DPPA2: variants seen among roughly 807,000 people sequenced by gnomAD.
DPPA2 encodes the protein developmental pluripotency-associated protein 2.
DPPA2 carries 26 observed loss-of-function variants against 36.2 expected under a neutral mutation model. The ratio of observed to expected loss-of-function variants is 0.72; its 90% CI spans 0.53 to 1.00. DPPA2 has a LOEUF of 1.00. Ranked by LOEUF, DPPA2 falls within the 50% of genes least tolerant of loss-of-function variation. DPPA2 has a pLI of 0.00. For synonymous variants in DPPA2, 113 were observed against 123.2 expected (o/e 0.92, Z 0.55); for missense variants, 361 against 365.1 (o/e 0.99, Z 0.09).
rs181722243 is a variant in DPPA2 at position 109,298,148 on chromosome 3, G to A, written c.*22+2223C>T. On this transcript the variant is annotated intron_variant, in intron 8 of 8. Coordinates refer to ENST00000478945, the MANE Select transcript of DPPA2 (RefSeq NM_138815.4). The stretch of plus-strand genomic sequence containing the variant: ...TGGGCTTGCGGGGAGGGATGAATTG[G>A]TGCAACACAAGGGATTTCTAAGGTA... Among the ~76,000 whole-genome samples, 1,025 of 152,184 alleles carry A rather than the reference G, an allele frequency of 6.7e-3. 4 individuals carry two copies. The highest frequency in any genetic ancestry group is 0.012 in the Non-Finnish European group (822 of 68,004).
intron 6 of DPPA2, among the ~76,000 whole-genome samples, chr3:109,304,880 C>T (rs1041635451): frequency 2.6e-5 from 4 of 152,198 alleles, no homozygotes; most frequent in Non-Finnish European, 5.9e-5. Flanking sequence ...GGCGCGGTGG[C>T]TCACGCCTGT....
chr3:109,308,310 C>T lies in DPPA2; in HGVS notation c.397-17G>A, dbSNP rs7611135. ...AGGCATATCCTGCAAATGAAATTCA[C>T]GATGAGTATTCAGTAAACCGCTAGG... On this transcript the variant is annotated splice_polypyrimidine_tract_variant and intron_variant, in intron 5 of 8. Transcript: ENST00000478945. The T allele has an allele frequency of 0.74, 1,189,841 of 1,612,908 alleles. 441,071 individuals are homozygous for T. Among genetic ancestry groups the T allele is most frequent in the East Asian group, 0.92 (41,138 of 44,872 alleles).
chr3:109,295,611 TAC>T lies in DPPA2; in HGVS notation c.*23-1609_*23-1608del, dbSNP rs1707339835. The T allele has an allele frequency of 2.3e-5, 3 of 133,052 alleles. No homozygotes were observed. In the South Asian group the frequency reaches 8.5e-4, roughly 38 times the overall value. 8.2% of individuals were successfully genotyped at this position (133,052 alleles called of 1,614,324 possible). A position where few individuals can be genotyped will look rare whatever the true frequency, so the allele number is the denominator to read the frequency against. On this transcript the variant is annotated intron_variant, in intron 8 of 8. Transcript: ENST00000478945. ...ATATACTTATACGTATATATCTATA[TAC>T]ACAGATATAATATCTATATTTACAT... is the stretch of plus-strand genomic sequence containing the variant.
At position 109,308,191 on chromosome 3, in the gene DPPA2, C is replaced by T; in HGVS notation, c.499G>A (p.Glu167Lys). The change falls in exon 6 of 9, where the codon GAG becomes AAG. Residue 167 changes from glutamate to lysine, a missense_variant. Physicochemically the swap from Glu to Lys is moderately conservative, Grantham distance 56. Transcript: ENST00000478945. ...ACTGTATTGGTCTCTTCTGCTCTCT[C>T]ATTCATCTCATAACTTCTCTGAAGC... ...ARLQRSYEMN[E>K]RAEETNTVEV... The T allele has an allele frequency of 6.2e-7, 1 of 1,614,228 alleles. No homozygotes were observed. The highest frequency in any genetic ancestry group is 8.5e-7 in the Non-Finnish European group (1 of 1,180,030).
chr3:109,294,709 C>T (rs558520552), intron 8 of DPPA2, among the ~76,000 whole-genome samples: 2 of 152,316 alleles, frequency 1.3e-5, no homozygotes, highest in South Asian at 4.1e-4. Flanking sequence ...AATTAGCCTT[C>T]ATTCAGAAGG....
chr3:109,315,807 C>T (rs929767241), intron 1 of DPPA2, among the ~76,000 whole-genome samples: 1 of 151,964 alleles, frequency 6.6e-6, no homozygotes, highest in African/African-American at 2.4e-5. Context: ...GGAAGGACGA[C>T]CACTTGAGTC....
intron 8 of DPPA2, among the ~76,000 whole-genome samples, chr3:109,294,251 C>A (rs1204242769): frequency 6.6e-6 from 1 of 152,114 alleles, no homozygotes; most frequent in Non-Finnish European, 1.5e-5. Context: ...ACCATGTTTT[C>A]CAATCCTGTG....
At chr3:109,300,679 G>T (rs750797945) in intron 7 of DPPA2, among the ~76,000 whole-genome samples, 2 of 151,836 alleles carry the variant, frequency 1.3e-5, no homozygotes, top group African/African-American at 4.8e-5. Context: ...AAAATTAGCC[G>T]GTCATGGTGG....
chr3:109,313,642 C>T (rs78060231), intron 2 of DPPA2, among the ~76,000 whole-genome samples: 2,837 of 152,216 alleles, frequency 0.019, 102 homozygotes, highest in African/African-American at 0.063. Flanking sequence ...GTAACACAGG[C>T]TTGAGTATGG....
intron 2 of DPPA2, among the ~76,000 whole-genome samples, chr3:109,313,707 C>T (rs1043650682): frequency 6.6e-6 from 1 of 152,136 alleles, no homozygotes; most frequent in African/African-American, 2.4e-5. Context: ...CCATTCCAGT[C>T]CTATTGCAAT....
At chr3:109,311,463 G>A (rs924325329) in intron 3 of DPPA2, among the ~76,000 whole-genome samples, 38 of 152,296 alleles carry the variant, frequency 2.5e-4, no homozygotes, top group African/African-American at 7.5e-4. Context: ...ATTTGGGCCG[G>A]TCGCAGTGGC....
intron 6 of DPPA2, 100 bp downstream of exon 6, chr3:109,307,932 T>C: frequency 2.1e-6 from 3 of 1,415,602 alleles, no homozygotes; most frequent in Non-Finnish European, 1.9e-6. Flanking sequence ...TCTTCAGATA[T>C]TTTAGCAAAT....
intron 7 of DPPA2, 112 bp from the exon 8 acceptor site, chr3:109,300,547 T>G: frequency 1.9e-6 from 2 of 1,058,190 alleles, no homozygotes; most frequent in Non-Finnish European, 2.9e-6. Context: ...CTGGGCCGGG[T>G]GTGGTGGCTC....
chr3:109,300,222 A>G, intron 8 of DPPA2, 149 bp downstream of exon 8: 1 of 643,196 alleles, frequency 1.6e-6, no homozygotes, highest in South Asian at 1.9e-5. Flanking sequence ...ACTTCCTGGT[A>G]GACAGCAGAC....
chr3:109,302,092 G>A (rs1052277914), intron 7 of DPPA2, among the ~76,000 whole-genome samples: 1 of 152,130 alleles, frequency 6.6e-6, no homozygotes, highest in African/African-American at 2.4e-5. Flanking sequence ...ACCTCTAACT[G>A]TGTTCTGTCT....
At chr3:109,313,612 T>G (rs1426039624) in intron 2 of DPPA2, among the ~76,000 whole-genome samples, 2 of 152,210 alleles carry the variant, frequency 1.3e-5, no homozygotes, top group African/African-American at 4.8e-5. Flanking sequence ...ATGAGGAAAC[T>G]AAATGAGCAA....
chr3:109,305,512 C>T (rs948015435), intron 6 of DPPA2, among the ~76,000 whole-genome samples: 3 of 151,822 alleles, frequency 2.0e-5, no homozygotes, highest in African/African-American at 4.8e-5. Flanking sequence ...TGGTGGCTTA[C>T]GCCTGTAATC....
chr3:109,296,557 C>T (rs11921542), intron 8 of DPPA2, among the ~76,000 whole-genome samples: 3,683 of 152,208 alleles, frequency 0.024, 163 homozygotes, highest in African/African-American at 0.084. Context: ...TGCCTGTAAT[C>T]CCAGCTGCTT....
chr3:109,307,048 A>C (rs1006844710), intron 6 of DPPA2, among the ~76,000 whole-genome samples: 2 of 151,556 alleles, frequency 1.3e-5, no homozygotes. Context: ...AGCTCACTGC[A>C]ACCTCTACCT....
Sources: gnomAD v4.1 joint callset for allele counts (sites outside exome capture counted in the v4.1 genomes callset) on GRCh38, gnomAD v4.1.1 for gene constraint, MANE v1.5 for transcripts, NCBI Gene and HGNC (gene_info 2026-07-23, HGNC 2026-07-21) for gene names.